The following NOTCH4 variants were observed in gnomAD, a reference collection of about 807,000 sequenced individuals.
NOTCH4 encodes the protein notch receptor 4.
NOTCH4 carries 138 observed loss-of-function variants against 189.0 expected under a neutral mutation model. That is an observed-to-expected ratio of 0.73 (90% confidence interval 0.64 to 0.84). The LOEUF (loss-of-function observed/expected upper bound fraction) is 0.84, where lower values mean the gene tolerates loss of function less well. Ranked by LOEUF, NOTCH4 falls within the 40% of genes least tolerant of loss-of-function variation. The pLI is 0.00. For missense variants in NOTCH4, 2,286 were observed against 2,605.4 expected (o/e 0.88, Z 2.67); for synonymous variants, 942 against 1,032.8 (o/e 0.91, Z 1.69).
intron 11 of NOTCH4, 112 bp downstream of exon 11, chr6:32,216,833 A>G (rs755514942): frequency 8.1e-7 from 1 of 1,240,966 alleles, no homozygotes; most frequent in Non-Finnish European, 1.2e-6. Flanking sequence ...AAAGGATACC[A>G]TTCTCATTCT....
In NOTCH4 at chr6:32,201,260, A is replaced by G. The variant is rs1788333928; in HGVS notation, c.3996T>C (p.Asp1332=). The change falls in exon 22 of 30, where the codon GAT becomes GAC. Residue 1332 remains aspartate (D), a synonymous_variant. Transcript: ENST00000375023. This position sits in a 1 kb window ranked among gnomAD's most constrained non-coding sequence, Gnocchi z 5.5. ...GGTACACCATGTCCCTGCCATCACG[A>G]TCCTTCCTTACCCAGAGTCCTACCC... is the stretch of plus-strand genomic sequence containing the variant. The part of the protein sequence containing the change: ...TLRVGLWVRK[D]RDGRDMVYPY... 6.2e-7 allele frequency: 1 copy of G among 1,612,726 alleles called. No individual in the cohort carries two copies. The highest frequency in any genetic ancestry group is 8.5e-7 in the Non-Finnish European group (1 of 1,179,984).
At position 32,213,206 on chromosome 6, in the gene NOTCH4, G is replaced by C. The variant is rs1369720642; in HGVS notation, c.2367C>G (p.Phe789Leu). 2.5e-6 allele frequency: 4 copies of C among 1,613,958 alleles called. No individual in the cohort carries two copies. The highest frequency in any genetic ancestry group is 3.4e-6 in the Non-Finnish European group (4 of 1,179,976). ...GGTCVNRPGT[F>L]SCLCAMGFQG... is the part of the protein sequence containing the mutation. Reference sequence around the variant, plus strand: ...GGAAGCCCATGGCACAGAGGCAGGAGAAGGTGCCAGGCCTGTTCACACAGG... The same window carrying C: ...GGAAGCCCATGGCACAGAGGCAGGACAAGGTGCCAGGCCTGTTCACACAGG... The change falls in exon 15 of 30, where the codon TTC (phenylalanine) becomes TTG (leucine). Residue 789 changes from phenylalanine (F) to leucine (L), a missense_variant. This residue lies in a region of NOTCH4 where 1,903 missense variants were observed against 2,261.9 expected (regional missense o/e 0.84). Coordinates refer to ENST00000375023, the MANE Select transcript of NOTCH4 (RefSeq NM_004557.4).
Position 32,204,191 on chromosome 6 carries a change from C to T in NOTCH4, c.3064G>A (p.Ala1022Thr), listed in dbSNP as rs778859083. ...AAGGCATTGGCCAGAGAGTGGCAGG[C>T]TGCAGTGCCTGTGGGGTGGCAGGGC... ...DQPCHPTGTA[A>T]CHSLANAFYC... Residue 1022 changes from alanine to threonine, a missense_variant, in exon 19 of 30, where the codon GCC (alanine) becomes ACC (threonine). Around this residue, in one of 2 missense-constraint regions of NOTCH4, gnomAD observed 1,903 missense variants for 2,261.9 expected, o/e 0.84. Transcript: ENST00000375023. 39 of 1,612,690 alleles carry T rather than the reference C, an allele frequency of 2.4e-5. No homozygotes were observed. Among genetic ancestry groups the T allele is most frequent in the Non-Finnish European group, 3.2e-5 (38 of 1,179,972 alleles).
intron 28 of NOTCH4, 75 bp downstream of exon 28, chr6:32,196,850 C>T: frequency 1.3e-6 from 2 of 1,559,538 alleles, no homozygotes; most frequent in South Asian, 2.3e-5. Context: ...TCTGCTGCAC[C>T]TATATTTTGC....
In NOTCH4 at chr6:32,216,958, G is replaced by T; in HGVS notation, c.1848C>A (p.Pro616=). The T allele has an allele frequency of 2.5e-6, 4 of 1,613,118 alleles. No individual in the cohort carries two copies. The highest frequency in any genetic ancestry group is 3.4e-6 in the Non-Finnish European group (4 of 1,180,032). The change falls in exon 11 of 30, where the codon CCC becomes CCA. Residue 616 remains proline, a synonymous_variant. Transcript: ENST00000375023. Reference sequence around the variant, plus strand: ...TCCCCTGTGAACCTGTGAAACCAGAGGGGCAGAGGCAAAAGAAGGCTCCTG... The same window carrying T: ...TCCCCTGTGAACCTGTGAAACCAGATGGGCAGAGGCAAAAGAAGGCTCCTG... ...DLPGAFFCLC[P]SGFTGQLCEV... is the part of the protein sequence containing the mutation.
chr6:32,200,682 T>G lies in NOTCH4; in HGVS notation c.4315+149A>C. The G allele has an allele frequency of 1.6e-6, 1 of 630,668 alleles. No individual in the cohort carries two copies. The allele number at this position is 630,668 out of a possible 1,614,324, so 39.1% of individuals were successfully genotyped here. On this transcript the variant is annotated intron_variant, in intron 23 of 29. Transcript: ENST00000375023. The surrounding 1 kb of genome is among the most constrained non-coding windows in gnomAD (Gnocchi z 5.0). ...ACAAATGGGCCAGTGGGAGATTCAG[T>G]TAGAGAAAGCGGGGTTAGGGAAAGT... is the stretch of plus-strand genomic sequence containing the variant.
chr6:32,201,284 C>T lies in NOTCH4; in HGVS notation c.3972G>A (p.Arg1324=), dbSNP rs138617146. The T allele has an allele frequency of 2.1e-4, 346 of 1,613,042 alleles. No individual in the cohort carries two copies. The highest frequency in any genetic ancestry group is 2.5e-4 in the Non-Finnish European group (299 of 1,180,016). ...ALARVLSLTL[R]VGLWVRKDRD... ...GATCCTTCCTTACCCAGAGTCCTAC[C>T]CTCAGAGTCAGGGACAGCACCCGGG... The change falls in exon 22 of 30, where the codon AGG becomes AGA. Residue 1324 remains arginine (R), a synonymous_variant. Coordinates refer to ENST00000375023, the MANE Select transcript of NOTCH4 (RefSeq NM_004557.4). The surrounding 1 kb of genome is among the most constrained non-coding windows in gnomAD (Gnocchi z 5.5).
Position 32,221,160 on chromosome 6 carries a change from G to A in NOTCH4, c.617C>T (p.Pro206Leu). Reference sequence around the variant, plus strand: ...GGTGTTATGGCAGGAGGTGCCTTTGGGGCAGGGTCCTGGGTCCTGGAAGCA... The same window carrying A: ...GGTGTTATGGCAGGAGGTGCCTTTGAGGCAGGGTCCTGGGTCCTGGAAGCA... Reference protein sequence around the residue: ...NECFQDPGPCPKGTSCHNTLG... With the variant: ...NECFQDPGPCLKGTSCHNTLG... Residue 206 changes from proline to leucine, a missense_variant, in exon 4 of 30, where the codon CCC becomes CTC. By Grantham distance (98) the Pro-to-Leu change is moderately conservative. Around this residue, in one of 2 missense-constraint regions of NOTCH4, gnomAD observed 1,903 missense variants for 2,261.9 expected, o/e 0.84. Coordinates refer to ENST00000375023, the MANE Select transcript of NOTCH4 (RefSeq NM_004557.4). This position sits in a 1 kb window ranked among gnomAD's most constrained non-coding sequence, Gnocchi z 4.3. 1.2e-6 allele frequency: 2 copies of A among 1,613,104 alleles called. No individual in the cohort carries two copies. The highest frequency in any genetic ancestry group is 1.7e-6 in the Non-Finnish European group (2 of 1,180,034).
Position 32,220,512 on chromosome 6 carries a change from C to G in NOTCH4, c.1052G>C (p.Ser351Thr), listed in dbSNP as rs2127487450. ...ACAGTCATCCAGGTTCTCCTCACAG[C>G]TTGTGCCGCCCCAGCCACTCACACA... The part of the protein sequence containing the change: ...CVCVSGWGGT[S>T]CEENLDDCIA... The change falls in exon 6 of 30, where the codon AGC becomes ACC. Residue 351 changes from serine to threonine, a missense_variant. Coordinates refer to ENST00000375023, the MANE Select transcript of NOTCH4 (RefSeq NM_004557.4). The G allele has an allele frequency of 6.2e-7, 1 of 1,613,534 alleles. No individual in the cohort carries two copies. The highest frequency in any genetic ancestry group is 8.5e-7 in the Non-Finnish European group (1 of 1,180,032).
In NOTCH4 at chr6:32,202,505, C is replaced by G. The variant is rs776623079; in HGVS notation, c.3326G>C (p.Gly1109Ala). The change falls in exon 21 of 30, where the codon GGC becomes GCC. Residue 1109 changes from glycine (G) to alanine (A), a missense_variant. Coordinates refer to ENST00000375023, the MANE Select transcript of NOTCH4 (RefSeq NM_004557.4). This position sits in a 1 kb window ranked among gnomAD's most constrained non-coding sequence, Gnocchi z 5.7. ...GGLCLPSPKP[G>A]FPPRCACLSG... ...GAGGCAGGCACAGCGTGGTGGGAAG[C>G]CTGGCTTAGGGGAGGGCAGACACAG... The G allele has an allele frequency of 6.2e-7, 1 of 1,612,536 alleles. No individual in the cohort carries two copies. Among genetic ancestry groups the G allele is most frequent in the South Asian group, 1.1e-5 (1 of 91,062 alleles).
At chr6:32,215,667 T>G (rs549831577) in intron 11 of NOTCH4, among the ~76,000 whole-genome samples, 1 of 152,342 alleles carries the variant, frequency 6.6e-6, no homozygotes, top group Admixed American at 6.5e-5. Context: ...TACAGTTCCT[T>G]AAATGGGGTG....
At chr6:32,215,434 C>T (rs1186159985) in intron 11 of NOTCH4, 49 bp from the exon 12 acceptor site, 2 of 1,535,218 alleles carry the variant, frequency 1.3e-6, no homozygotes, top group East Asian at 2.3e-5. Context: ...CCACATCCTT[C>T]ATTGGGCCAA....
In NOTCH4 at chr6:32,210,608, G is replaced by A; in HGVS notation, c.2865+144C>T. 1.3e-6 allele frequency: 1 copy of A among 748,068 alleles called. No individual in the cohort carries two copies. The highest frequency in any genetic ancestry group is 2.2e-6 in the Non-Finnish European group (1 of 451,438). 46.3% of individuals were successfully genotyped at this position (748,068 alleles called of 1,614,324 possible). ...AAAACTTCAGGAGATAAAGTGGCAT[G>A]ACTTTGTGGTTAGTTGGGTGTGTGG... On this transcript the variant is annotated intron_variant, in intron 18 of 29. Transcript: ENST00000375023. The surrounding 1 kb of genome is among the most constrained non-coding windows in gnomAD (Gnocchi z 4.8).
rs1789773635 is a variant in NOTCH4, at chr6:32,221,387, T to TA, written c.452-63dup. 1.6e-6 allele frequency: 2 copies of TA among 1,225,480 alleles called. No individual in the cohort carries two copies. Among genetic ancestry groups the TA allele is most frequent in the African/African-American group, 3.0e-5 (2 of 66,644 alleles). The allele number at this position is 1,225,480 out of a possible 1,614,324, so 75.9% of individuals were successfully genotyped here. On this transcript the variant is annotated intron_variant, in intron 3 of 29. Transcript: ENST00000375023. The surrounding 1 kb of genome is among the most constrained non-coding windows in gnomAD (Gnocchi z 4.3). ...GTACGAATTCTAGCCCATCTGAGGTTACCCAGTGCTCACTCTGGATTATCT... is the reference window on the plus strand; with the variant it reads ...GTACGAATTCTAGCCCATCTGAGGTTAACCCAGTGCTCACTCTGGATTATCT...
In NOTCH4 at chr6:32,201,915, G is replaced by T; in HGVS notation, c.3755+161C>A. 1 of 562,786 alleles carries T rather than the reference G, an allele frequency of 1.8e-6. No individual in the cohort carries two copies. Among genetic ancestry groups the T allele is most frequent in the Non-Finnish European group, 2.7e-6 (1 of 366,712 alleles). 34.9% of individuals were successfully genotyped at this position (562,786 alleles called of 1,614,324 possible). On this transcript the variant is annotated intron_variant, in intron 21 of 29. Transcript: ENST00000375023. This position sits in a 1 kb window ranked among gnomAD's most constrained non-coding sequence, Gnocchi z 5.5. ...TGATGCCACCCCATTACCCTAGGTT[G>T]GAGTCCAGAGTCTTCGACCCCTGTT...
rs575781566 is a variant in NOTCH4, at chr6:32,196,366, C to T, written c.5256G>A (p.Ser1752=). Residue 1752 remains serine (S), a synonymous_variant, in exon 29 of 30, where the codon TCG becomes TCA. Transcript: ENST00000375023. ...CTTTATCGGCTCCGGCCTGGAGAAG[C>T]GAGCGGGCGGCTCGGGCGTTGTTCA... The part of the protein sequence containing the change: ...AAVNNARAAR[S]LLQAGADKDA... 5.6e-6 allele frequency: 9 copies of T among 1,613,042 alleles called. No individual in the cohort carries two copies. The highest frequency in any genetic ancestry group is 3.3e-5 in the South Asian group (3 of 91,094).
chr6:32,196,961 CA>C lies in NOTCH4; in HGVS notation c.5163del (p.Ile1721MetfsTer24). The C allele has an allele frequency of 6.2e-7, 1 of 1,612,974 alleles. No homozygotes were observed. Among genetic ancestry groups the C allele is most frequent in the Non-Finnish European group, 8.5e-7 (1 of 1,180,018 alleles). ...CTGGCCCCCACGTCTGCTTGGGCTG[CA>C]ATCAGTTCTTCAACCAGGTCTTCCA... ...LAVEDLVEEL[I>X]AAQADVGARD... On this transcript the variant is annotated frameshift_variant, in exon 28 of 30. Coordinates refer to ENST00000375023, the MANE Select transcript of NOTCH4 (RefSeq NM_004557.4). LOFTEE classifies it high-confidence loss of function.
chr6:32,197,096 C>T lies in NOTCH4; in HGVS notation c.5053-24G>A, dbSNP rs1245005460. On this transcript the variant is annotated intron_variant, in intron 27 of 29. Transcript: ENST00000375023. ...AGCTGGGGAGACAGAGGGCCAGTGA[C>T]CCCTGGGGTACCTTGGACTGCCAAC... 3.1e-6 allele frequency: 5 copies of T among 1,610,096 alleles called. No homozygotes were observed. In the Admixed American group the frequency reaches 8.3e-5, roughly 27 times the overall value.
At chr6:32,207,600 G>T (rs2127472650) in intron 18 of NOTCH4, among the ~76,000 whole-genome samples, 1 of 147,778 alleles carries the variant, frequency 6.8e-6, no homozygotes. Flanking sequence ...CTCCAGACTG[G>T]GCAACAGGGC....
Sources: allele counts gnomAD v4.1 joint callset (sites outside exome capture counted in the v4.1 genomes callset), GRCh38; gene constraint gnomAD v4.1.1; regional missense constraint gnomAD v4.1.1; non-coding constraint Gnocchi (gnomAD v3.1); transcripts MANE v1.5; gene names NCBI Gene and HGNC (gene_info 2026-07-23, HGNC 2026-07-21).